The following UBE3A variants were observed in gnomAD, a reference collection of about 807,000 sequenced individuals.
UBE3A encodes ubiquitin protein ligase E3A.
A neutral mutation model predicts 83.4 loss-of-function variants in UBE3A; 6 were observed. The ratio of observed to expected loss-of-function variants is 0.07; its 90% CI spans 0.04 to 0.14. UBE3A has a LOEUF of 0.14. UBE3A is among the 10% of genes least tolerant of loss of function. The pLI, the probability that UBE3A is intolerant of heterozygous loss-of-function variation, is 1.00. For synonymous variants in UBE3A, 337 were observed against 355.4 expected (o/e 0.95, Z 0.58); for missense variants, 456 against 1,036.1 (o/e 0.44, Z 7.69).
At position 25,359,686 on chromosome 15, in the gene UBE3A, A is replaced by G. The variant is rs181528468; in HGVS notation, c.1753+697T>C. 4.8e-3 allele frequency among the ~76,000 whole-genome samples: 729 copies of G among 152,292 alleles called. 1 individual carries two copies. The highest frequency in any genetic ancestry group is 8.0e-3 in the Non-Finnish European group (542 of 68,012). On this transcript the variant is annotated intron_variant, in intron 7 of 12. Transcript: ENST00000648336. ...TTATATTTACAGTAGAAACTGAACCAGTTCAGAATTATGAAGTTAAGTAGA... is the reference window on the plus strand; with the variant it reads ...TTATATTTACAGTAGAAACTGAACCGGTTCAGAATTATGAAGTTAAGTAGA...
intron 4 of UBE3A, among the ~76,000 whole-genome samples, chr15:25,392,937 T>A (rs952794475): frequency 6.6e-6 from 1 of 152,168 alleles, no homozygotes; most frequent in Admixed American, 6.5e-5. Context: ...GATCTTCTCC[T>A]CATAAAAATA....
chr15:25,367,260 AATATGTAAAT>A (rs1348786854), intron 6 of UBE3A, among the ~76,000 whole-genome samples: 123 of 87,446 alleles, frequency 1.4e-3, no homozygotes, highest in South Asian at 4.8e-3. Flanking sequence ...CATATTTGTA[AATATGTAAAT>A]ATTTACATAT....
At chr15:25,388,766 A>G (rs2083665839) in intron 4 of UBE3A, among the ~76,000 whole-genome samples, 1 of 152,226 alleles carries the variant, frequency 6.6e-6, no homozygotes, top group African/African-American at 2.4e-5. Context: ...GATTATAGCA[A>G]AGCTGCAGGA....
At chr15:25,425,025 T>C (rs989306426) in intron 1 of UBE3A, among the ~76,000 whole-genome samples, 1 of 152,066 alleles carries the variant, frequency 6.6e-6, no homozygotes, top group Non-Finnish European at 1.5e-5. Context: ...TCTATGGAAA[T>C]TTGAGAAACC....
At chr15:25,419,307 TAGA>T (rs1470593387) in intron 1 of UBE3A, 1 of 152,052 alleles carries the variant, frequency 6.6e-6, no homozygotes, top group South Asian at 2.1e-4. Flanking sequence ...AAAAAGACAC[TAGA>T]AGAAGACAGG....
At position 25,382,764 on chromosome 15, in the gene UBE3A, C is replaced by T. The variant is rs971065207; in HGVS notation, c.63-7001G>A. ...CAGCAACAACTGGAAATTAGAAAGG[C>T]GATACAACAACTGCTGCCACAGAAA... On this transcript the variant is annotated intron_variant, in intron 4 of 12. Coordinates refer to ENST00000648336, the MANE Select transcript of UBE3A (RefSeq NM_130839.5). Among the ~76,000 whole-genome samples the T allele has an allele frequency of 4.6e-5, 7 of 151,706 alleles. No homozygotes were observed. In the South Asian group the frequency reaches 6.3e-4, roughly 14 times the overall value.
At chr15:25,358,480 A>C in intron 7 of UBE3A, among the ~76,000 whole-genome samples, 1 of 152,194 alleles carries the variant, frequency 6.6e-6, no homozygotes, top group Non-Finnish European at 1.5e-5. Flanking sequence ...CTAAGGAAAA[A>C]AATTTTAATT....
At position 25,375,499 on chromosome 15, in the gene UBE3A, T is replaced by G; in HGVS notation, c.327A>C (p.Lys109Asn). ...GAPNNSCSEI[K>N]MNKKGARIDF... The stretch of plus-strand genomic sequence containing the variant: ...CAATTCTAGCGCCTTTCTTGTTCAT[T>G]TTTATCTCAGAGCAGGAGTTGTTGG... Residue 109 changes from lysine to asparagine, a missense_variant, in exon 5 of 13, where the codon AAA (lysine) becomes AAC (asparagine). Lys to Asn is a moderately conservative substitution (Grantham distance 94). This residue lies in a region of UBE3A where 36 missense variants were observed against 28.5 expected (regional missense o/e 1.26). Transcript: ENST00000648336. 1 of 1,614,152 alleles carries G rather than the reference T, an allele frequency of 6.2e-7. No homozygotes were observed. Among genetic ancestry groups the G allele is most frequent in the Non-Finnish European group, 8.5e-7 (1 of 1,180,026 alleles).
In UBE3A at chr15:25,375,579, G is replaced by C. The variant is rs1452134414; in HGVS notation, c.247C>G (p.His83Asp). 1 of 1,614,034 alleles carries C rather than the reference G, an allele frequency of 6.2e-7. No homozygotes were observed. Among genetic ancestry groups the C allele is most frequent in the Non-Finnish European group, 8.5e-7 (1 of 1,180,026 alleles). The change falls in exon 5 of 13, where the codon CAT (histidine) becomes GAT (aspartate). Residue 83 changes from histidine to aspartate, a missense_variant. By Grantham distance (81) the His-to-Asp change is moderately conservative. Coordinates refer to ENST00000648336, the MANE Select transcript of UBE3A (RefSeq NM_130839.5). ...YKINAKLCDP[H>D]PSKKGASSAY... ...GAGCTTGCTCCTTTCTTGGAGGGAT[G>C]AGGATCACAGAGTTTTGCATTAATC...
intron 4 of UBE3A, among the ~76,000 whole-genome samples, chr15:25,403,327 C>T (rs1490389299): frequency 6.6e-6 from 1 of 152,160 alleles, no homozygotes; most frequent in Admixed American, 6.5e-5. Flanking sequence ...TCTAAACAAA[C>T]CTTGTATTCC....
rs1313805051 is a variant in UBE3A at position 25,334,144 on chromosome 15, GAAGT to G, written c.*4989_*4992del. The stretch of plus-strand genomic sequence containing the variant: ...AATAGGAATCTAGACTGGAAAGGAA[GAAGT>G]AAAAGTATTTCTGTTCACAGATGCA... On this transcript the variant is annotated 3_prime_UTR_variant, in exon 13 of 13. Coordinates refer to ENST00000648336, the MANE Select transcript of UBE3A (RefSeq NM_130839.5). 6.6e-6 allele frequency: 1 copy of G among 151,876 alleles called. No individual in the cohort carries two copies. Among genetic ancestry groups the G allele is most frequent in the Non-Finnish European group, 1.5e-5 (1 of 67,974 alleles). 9.4% of individuals were successfully genotyped at this position (151,876 alleles called of 1,614,324 possible).
intron 11 of UBE3A, among the ~76,000 whole-genome samples, chr15:25,344,028 T>C (rs1220800330): frequency 6.6e-6 from 1 of 152,186 alleles, no homozygotes; most frequent in Admixed American, 6.5e-5. Context: ...AAATGTTATT[T>C]TTCTGTGAAG....
Position 25,371,681 on chromosome 15 carries a change from G to A in UBE3A, c.493C>T (p.Arg165Trp), listed in dbSNP as rs1085307791. 2 of 1,613,678 alleles carry A rather than the reference G, an allele frequency of 1.2e-6. No homozygotes were observed. The highest frequency in any genetic ancestry group is 1.7e-5 in the Admixed American group (1 of 59,968). ...TCCTTGGTGTGTTGTTTAACTTTCC[G>A]GAAGCTCTGTACCAATGCCTCAGCA... ...SSAEALVQSF[R>W]KVKQHTKEEL... The change falls in exon 6 of 13, where the codon CGG (arginine) becomes TGG (tryptophan). Residue 165 changes from arginine (R) to tryptophan (W), a missense_variant. Transcript: ENST00000648336. The surrounding 1 kb of genome is among the most constrained non-coding windows in gnomAD (Gnocchi z 5.3).
intron 4 of UBE3A, among the ~76,000 whole-genome samples, chr15:25,397,297 G>C (rs971734437): frequency 6.6e-6 from 1 of 152,152 alleles, no homozygotes; most frequent in African/African-American, 2.4e-5. Context: ...AAGAAAGCTT[G>C]CTTAATTCAA....
chr15:25,381,577 G>A (rs1354015966), intron 4 of UBE3A, among the ~76,000 whole-genome samples: 3 of 152,274 alleles, frequency 2.0e-5, no homozygotes, highest in Non-Finnish European at 4.4e-5. Flanking sequence ...ATGAACATGT[G>A]AGGAATCTAA....
intron 12 of UBE3A, 61 bp downstream of exon 12, chr15:25,340,024 T>C: frequency 6.3e-7 from 1 of 1,596,648 alleles, no homozygotes. Flanking sequence ...AGTTCATATG[T>C]ATGTGACGAG....
chr15:25,378,594 A>G (rs977473536), intron 4 of UBE3A, among the ~76,000 whole-genome samples: 1 of 152,162 alleles, frequency 6.6e-6, no homozygotes, highest in African/African-American at 2.4e-5. Context: ...GAGTCAAATC[A>G]CGAAACCAAG....
chr15:25,357,126 A>C (rs1031909132), intron 7 of UBE3A, among the ~76,000 whole-genome samples: 2 of 152,154 alleles, frequency 1.3e-5, no homozygotes, highest in Non-Finnish European at 2.9e-5. Context: ...CCAAAGGAAT[A>C]AAGTAGTAAG....
intron 12 of UBE3A, 138 bp from the exon 13 acceptor site, chr15:25,339,395 A>G: frequency 8.9e-7 from 1 of 1,127,954 alleles, no homozygotes. Flanking sequence ...CAAATCATAA[A>G]CTTTTTGTTG....
Sources: allele counts gnomAD v4.1 joint callset (sites outside exome capture counted in the v4.1 genomes callset), GRCh38; gene constraint gnomAD v4.1.1; regional missense constraint gnomAD v4.1.1; non-coding constraint Gnocchi (gnomAD v3.1); transcripts MANE v1.5; gene names NCBI Gene and HGNC (gene_info 2026-07-23, HGNC 2026-07-21).